ABTB3: variants seen among roughly 807,000 people sequenced by gnomAD.
The protein encoded by ABTB3 is ankyrin repeat and BTB domain containing 3.
chr12:107,374,362 C>T, the ABTB3 span, among the ~76,000 whole-genome samples: 1 of 152,170 alleles, frequency 6.6e-6, no homozygotes, highest in East Asian at 1.9e-4. Context: ...GGCAGGATCT[C>T]TCACCTGCCC....
At chr12:107,504,397 A>C in the ABTB3 span, among the ~76,000 whole-genome samples, 3 of 151,616 alleles carry the variant, frequency 2.0e-5, no homozygotes, top group Admixed American at 6.6e-5. Context: ...ACACACACAC[A>C]CCCCTCTCTG....
chr12:107,319,765 C>G, the ABTB3 span: 60 of 1,492,576 alleles, frequency 4.0e-5, no homozygotes, highest in Non-Finnish European at 5.3e-5. Flanking sequence ...CAGGCCCGAG[C>G]TCGGGCCCTG....
At chr12:107,481,644 G>A in the ABTB3 span, among the ~76,000 whole-genome samples, 1 of 152,208 alleles carries the variant, frequency 6.6e-6, no homozygotes, top group Admixed American at 6.5e-5. Flanking sequence ...TCCAGCAAGT[G>A]GAAGAAAATC....
At chr12:107,640,747 C>T in the ABTB3 span, among the ~76,000 whole-genome samples, 1 of 152,244 alleles carries the variant, frequency 6.6e-6, no homozygotes, top group Non-Finnish European at 1.5e-5. Context: ...TGTCAGGGAA[C>T]AGACTTTGGC....
the ABTB3 span, among the ~76,000 whole-genome samples, chr12:107,576,575 C>T: frequency 6.6e-6 from 1 of 152,136 alleles, no homozygotes; most frequent in Non-Finnish European, 1.5e-5. Context: ...TCTTCAAAGG[C>T]TCTCTCTCCA....
chr12:107,645,099 A>G, the ABTB3 span, among the ~76,000 whole-genome samples: 6 of 150,840 alleles, frequency 4.0e-5, no homozygotes, highest in Non-Finnish European at 8.8e-5. Flanking sequence ...CAGCCTCCTG[A>G]GTAGCTAGGA....
the ABTB3 span, among the ~76,000 whole-genome samples, chr12:107,453,695 C>G: frequency 6.6e-6 from 1 of 152,084 alleles, no homozygotes; most frequent in African/African-American, 2.4e-5. Flanking sequence ...TTTAATTCCT[C>G]TGGTAAACCA....
At chr12:107,608,787 C>T in the ABTB3 span, among the ~76,000 whole-genome samples, 10 of 151,776 alleles carry the variant, frequency 6.6e-5, no homozygotes, top group Non-Finnish European at 1.3e-4. Context: ...AGGAAGATCA[C>T]TTGAGCCCAG....
chr12:107,611,730 A>G, the ABTB3 span, among the ~76,000 whole-genome samples: 1 of 152,112 alleles, frequency 6.6e-6, no homozygotes, highest in African/African-American at 2.4e-5. Context: ...CTTTCCCAGA[A>G]CTTTTGTTTC....
chr12:107,498,596 C>A, the ABTB3 span, among the ~76,000 whole-genome samples: 1 of 152,090 alleles, frequency 6.6e-6, no homozygotes, highest in Non-Finnish European at 1.5e-5. Flanking sequence ...GCTCATGGAC[C>A]CATCGTCTTT....
At chr12:107,518,355 C>T in the ABTB3 span, among the ~76,000 whole-genome samples, 13 of 152,082 alleles carry the variant, frequency 8.5e-5, no homozygotes, top group Non-Finnish European at 1.5e-4. Context: ...AGACTTGGAA[C>T]CAACCCAAAT....
chr12:107,623,794 GACCA>G, the ABTB3 span, among the ~76,000 whole-genome samples: 2 of 152,152 alleles, frequency 1.3e-5, no homozygotes, highest in African/African-American at 4.8e-5. Context: ...GGAGCTTACT[GACCA>G]AAAGCAAGAA....
At chr12:107,625,463 A>C in the ABTB3 span, among the ~76,000 whole-genome samples, 1 of 152,308 alleles carries the variant, frequency 6.6e-6, no homozygotes, top group African/African-American at 2.4e-5. Flanking sequence ...CTGCTCTGAC[A>C]GGGGAAGAGT....
chr12:107,420,084 C>T, the ABTB3 span, among the ~76,000 whole-genome samples: 3 of 152,186 alleles, frequency 2.0e-5, no homozygotes, highest in Non-Finnish European at 4.4e-5. Flanking sequence ...AAAGATGGCC[C>T]TGCACCTTTT....
chr12:107,454,316 A>G, the ABTB3 span, among the ~76,000 whole-genome samples: 6 of 152,342 alleles, frequency 3.9e-5, no homozygotes, highest in South Asian at 1.2e-3. Flanking sequence ...GTTAAAAATC[A>G]TTAAGGAATG....
chr12:107,449,695 G>A, the ABTB3 span, among the ~76,000 whole-genome samples: 1 of 152,224 alleles, frequency 6.6e-6, no homozygotes, highest in African/African-American at 2.4e-5. Flanking sequence ...GTTTGGTTCA[G>A]GCTGAAGTGC....
the ABTB3 span, chr12:107,486,619 G>A: frequency 6.6e-6 from 1 of 151,594 alleles, no homozygotes; most frequent in Non-Finnish European, 1.5e-5. Context: ...CATGTTCAGG[G>A]TGGTATGGCT....
the ABTB3 span, among the ~76,000 whole-genome samples, chr12:107,489,712 A>G: frequency 2.6e-5 from 4 of 152,192 alleles, no homozygotes; most frequent in Admixed American, 1.3e-4. Flanking sequence ...CAACGAATGG[A>G]ATAGTTTGAT....
At chr12:107,576,408 C>A in the ABTB3 span, among the ~76,000 whole-genome samples, 2 of 152,336 alleles carry the variant, frequency 1.3e-5, no homozygotes, top group African/African-American at 4.8e-5. Context: ...GGTTGTCTTC[C>A]TCCAAGGCCG....
Sources: allele counts gnomAD v4.1 joint callset (sites outside exome capture counted in the v4.1 genomes callset), GRCh38; gene constraint gnomAD v4.1.1; transcripts MANE v1.5; gene names NCBI Gene and HGNC (gene_info 2026-07-23, HGNC 2026-07-21).